The following ROBO2 variants were observed in gnomAD, a reference collection of about 807,000 sequenced individuals.
ROBO2 encodes roundabout guidance receptor 2.
A neutral mutation model predicts 160.8 loss-of-function variants in ROBO2; 53 were observed. The ratio of observed to expected loss-of-function variants is 0.33; its 90% confidence interval spans 0.26 to 0.41. The LOEUF is 0.41. ROBO2 is among the 10% of genes least tolerant of loss of function. ROBO2 has a pLI of 1.00. For synonymous variants in ROBO2, 664 were observed against 611.7 expected (o/e 1.09, Z -1.26); for missense variants, 1,577 against 1,722.4 (o/e 0.92, Z 1.49).
chr3:77,092,600 ATTT>A (rs2070452589), intron 1 of ROBO2, among the ~76,000 whole-genome samples: 1 of 75,848 alleles, frequency 1.3e-5, no homozygotes, highest in Admixed American at 1.3e-4. Flanking sequence ...AATAATATAT[ATTT>A]TAATATATAT....
intron 2 of ROBO2, among the ~76,000 whole-genome samples, chr3:76,843,797 G>A (rs975758469): frequency 4.6e-5 from 7 of 151,356 alleles, no homozygotes; most frequent in African/African-American, 1.5e-4. Context: ...TATAAGTCCT[G>A]TTCTAAAAAC....
At chr3:77,181,684 G>A (rs6419724) in intron 2 of ROBO2, among the ~76,000 whole-genome samples, 51,669 of 151,868 alleles carry the variant, frequency 0.34, 9,330 homozygotes, top group Middle Eastern at 0.48. Flanking sequence ...AATGAATACT[G>A]TAACTAAAAG....
At chr3:76,388,151 T>C (rs955272268) in intron 2 of ROBO2, among the ~76,000 whole-genome samples, 5 of 151,698 alleles carry the variant, frequency 3.3e-5, no homozygotes, top group African/African-American at 1.2e-4. Context: ...CTCATTTCTC[T>C]TGTGTTATAA....
chr3:77,371,792 A>G (rs2071788769), intron 2 of ROBO2, among the ~76,000 whole-genome samples: 1 of 152,216 alleles, frequency 6.6e-6, no homozygotes, highest in South Asian at 2.1e-4. Context: ...CATGATTTTT[A>G]TCCGGGACCA....
At chr3:75,981,287 A>T (rs1224196037) in intron 2 of ROBO2, among the ~76,000 whole-genome samples, 1 of 151,618 alleles carries the variant, frequency 6.6e-6, no homozygotes, top group African/African-American at 2.4e-5. Flanking sequence ...TTATTTAACT[A>T]TTCAGTTTCC....
intron 2 of ROBO2, among the ~76,000 whole-genome samples, chr3:75,954,253 T>C (rs569328681): frequency 2.0e-5 from 3 of 151,840 alleles, no homozygotes; most frequent in African/African-American, 7.2e-5. Flanking sequence ...CTCAGGCGTC[T>C]CCAGTCCTAC....
chr3:76,836,974 A>T (rs1398858734), intron 2 of ROBO2, among the ~76,000 whole-genome samples: 4 of 151,758 alleles, frequency 2.6e-5, no homozygotes, highest in African/African-American at 9.7e-5. Flanking sequence ...TACTTTTTTA[A>T]AGGGGCGTTA....
chr3:77,622,661 G>T (rs1268704414), intron 23 of ROBO2, among the ~76,000 whole-genome samples: 2 of 152,146 alleles, frequency 1.3e-5, no homozygotes, highest in African/African-American at 2.4e-5. Context: ...AGACATGAAA[G>T]AAAACTCAAT....
At chr3:76,465,391 A>G (rs2078306627) in intron 2 of ROBO2, among the ~76,000 whole-genome samples, 1 of 152,080 alleles carries the variant, frequency 6.6e-6, no homozygotes, top group African/African-American at 2.4e-5. Context: ...AATAGTTTAT[A>G]CTAAAGTTTG....
At chr3:77,625,019 T>C (rs2094980525) in intron 23 of ROBO2, among the ~76,000 whole-genome samples, 1 of 152,164 alleles carries the variant, frequency 6.6e-6, no homozygotes. Flanking sequence ...TTAGGGAATA[T>C]ATCAGCAGTT....
chr3:77,380,717 C>T (rs2073341027), intron 2 of ROBO2, among the ~76,000 whole-genome samples: 1 of 149,262 alleles, frequency 6.7e-6, no homozygotes, highest in Non-Finnish European at 1.5e-5. Flanking sequence ...TCCTTCCTTC[C>T]TTCCCTCCTT....
intron 2 of ROBO2, among the ~76,000 whole-genome samples, chr3:77,477,200 C>T (rs909059257): frequency 6.6e-6 from 1 of 151,964 alleles, no homozygotes; most frequent in African/African-American, 2.4e-5. Context: ...GAATTTTTGA[C>T]CAAAGGTGCA....
intron 2 of ROBO2, among the ~76,000 whole-genome samples, chr3:76,991,916 GC>G (rs2060686114): frequency 6.6e-6 from 1 of 152,086 alleles, no homozygotes; most frequent in Non-Finnish European, 1.5e-5. Context: ...TATCTGAAAA[GC>G]CTTTAATCAG....
chr3:76,664,749 A>G (rs2091958982), intron 2 of ROBO2, among the ~76,000 whole-genome samples: 1 of 152,192 alleles, frequency 6.6e-6, no homozygotes, highest in African/African-American at 2.4e-5. Context: ...GGCGCTGGAC[A>G]TCAGTAAACT....
At chr3:77,546,538 G>T (rs531641268) in intron 7 of ROBO2, 76 bp downstream of exon 8, 1 of 1,551,746 alleles carries the variant, frequency 6.4e-7, no homozygotes, top group Non-Finnish European at 8.9e-7. Context: ...AGCTTGCCTT[G>T]CTTCTCTTGT....
chr3:76,629,160 A>C (rs1211927379), intron 2 of ROBO2, among the ~76,000 whole-genome samples: 4 of 152,206 alleles, frequency 2.6e-5, no homozygotes, highest in African/African-American at 9.7e-5. Flanking sequence ...GTGCTCAATG[A>C]CACAAATGGT....
intron 2 of ROBO2, among the ~76,000 whole-genome samples, chr3:76,478,249 A>T (rs538316609): frequency 7.2e-6 from 1 of 138,084 alleles, no homozygotes; most frequent in African/African-American, 2.7e-5. Flanking sequence ...TTATTGTTCA[A>T]TTCCCACCTA....
At chr3:76,276,695 A>C (rs1707944178) in intron 2 of ROBO2, among the ~76,000 whole-genome samples, 1 of 152,062 alleles carries the variant, frequency 6.6e-6, no homozygotes, top group Non-Finnish European at 1.5e-5. Context: ...TGAGATTTAA[A>C]ATGTGATTGG....
intron 2 of ROBO2, among the ~76,000 whole-genome samples, chr3:75,967,689 A>C (rs1381921574): frequency 6.6e-6 from 1 of 151,576 alleles, no homozygotes; most frequent in African/African-American, 2.4e-5. Context: ...AATTTCGTAT[A>C]TAATTTTGTT....
Sources: allele counts gnomAD v4.1 joint callset (sites outside exome capture counted in the v4.1 genomes callset), GRCh38; gene constraint gnomAD v4.1.1; transcripts MANE v1.5; gene names NCBI Gene and HGNC (gene_info 2026-07-23, HGNC 2026-07-21).